The following MEGF11 variants were observed in gnomAD, a reference collection of about 807,000 sequenced individuals.
MEGF11 encodes the protein multiple epidermal growth factor-like domains protein 11.
In MEGF11, 126 loss-of-function variants were observed where a neutral mutation model predicts 146.6. The ratio of observed to expected loss-of-function variants is 0.86; its 90% CI spans 0.74 to 1.00. The LOEUF (loss-of-function observed/expected upper bound fraction) is 1.00. Ranked by LOEUF, MEGF11 falls within the 50% of genes least tolerant of loss-of-function variation. MEGF11 has a pLI of 0.00. For missense variants in MEGF11, 1,509 were observed against 1,521.2 expected, an observed-to-expected ratio of 0.99 and a Z score of 0.13; for synonymous variants, 532 against 583.4, an observed-to-expected ratio of 0.91 and a Z score of 1.27.
intron 1 of MEGF11, among the ~76,000 whole-genome samples, chr15:66,149,002 C>T (rs527266020): frequency 2.6e-5 from 4 of 152,332 alleles, no homozygotes; most frequent in African/African-American, 7.2e-5. Flanking sequence ...GCTGAAAAGA[C>T]CAGACAAGAG....
At chr15:66,090,136 A>G (rs1402109379) in intron 5 of MEGF11, among the ~76,000 whole-genome samples, 1 of 152,210 alleles carries the variant, frequency 6.6e-6, no homozygotes, top group African/African-American at 2.4e-5. Flanking sequence ...AAGTCAGTAA[A>G]AGAATGAGAA....
intron 9 of MEGF11, among the ~76,000 whole-genome samples, chr15:65,960,508 T>C (rs2080822095): frequency 6.6e-6 from 1 of 152,232 alleles, no homozygotes. Flanking sequence ...TCTCTTTAGG[T>C]TGCATCTTTC....
At chr15:66,213,089 C>T (rs752061848) in intron 1 of MEGF11, among the ~76,000 whole-genome samples, 1 of 152,132 alleles carries the variant, frequency 6.6e-6, no homozygotes, top group Non-Finnish European at 1.5e-5. Context: ...CCTGCAAATC[C>T]CTGCACTGGG....
At chr15:66,097,241 C>T (rs773270081) in intron 4 of MEGF11, among the ~76,000 whole-genome samples, 25 of 152,330 alleles carry the variant, frequency 1.6e-4, no homozygotes, top group Admixed American at 5.9e-4. Context: ...ATTGGGCCAC[C>T]GCGTGTTTGG....
intron 5 of MEGF11, among the ~76,000 whole-genome samples, chr15:66,053,732 T>A (rs2084556682): frequency 7.1e-6 from 1 of 141,138 alleles, no homozygotes; most frequent in African/African-American, 2.6e-5. Context: ...TTTTTTTTTT[T>A]TTTTTTTTTT....
intron 5 of MEGF11, among the ~76,000 whole-genome samples, chr15:66,051,415 C>A (rs920105593): frequency 3.3e-5 from 5 of 152,116 alleles, no homozygotes; most frequent in Non-Finnish European, 1.5e-5. Context: ...GACTCTGAGA[C>A]CTGGTCCACC....
chr15:66,168,358 C>A (rs537371560), intron 1 of MEGF11, among the ~76,000 whole-genome samples: 1 of 152,136 alleles, frequency 6.6e-6, no homozygotes, highest in Non-Finnish European at 1.5e-5. Context: ...ACTATCAGGC[C>A]TGCCCACTGG....
At chr15:66,112,000 C>G (rs1051699711) in intron 4 of MEGF11, among the ~76,000 whole-genome samples, 3 of 147,152 alleles carry the variant, frequency 2.0e-5, no homozygotes, top group Non-Finnish European at 3.0e-5. Flanking sequence ...GAGTGCCCGA[C>G]AAGAAAATGT....
intron 5 of MEGF11, among the ~76,000 whole-genome samples, chr15:66,057,109 A>G (rs1222555204): frequency 6.6e-6 from 1 of 152,212 alleles, no homozygotes; most frequent in Non-Finnish European, 1.5e-5. Context: ...ATGGGAGAGA[A>G]CATCATTTCA....
At chr15:65,988,562 A>T (rs2081941408) in intron 5 of MEGF11, among the ~76,000 whole-genome samples, 1 of 152,248 alleles carries the variant, frequency 6.6e-6, no homozygotes, top group Non-Finnish European at 1.5e-5. Flanking sequence ...TCTAGAAGAC[A>T]ACAGTGAACA....
At chr15:66,234,901 C>T (rs1187956949) in intron 1 of MEGF11, among the ~76,000 whole-genome samples, 1 of 152,286 alleles carries the variant, frequency 6.6e-6, no homozygotes, top group African/African-American at 2.4e-5. Flanking sequence ...CAGAGCAATC[C>T]CTGGCCCTGA....
At chr15:65,920,146 T>C (rs564617901) in intron 15 of MEGF11, among the ~76,000 whole-genome samples, 19 of 152,328 alleles carry the variant, frequency 1.2e-4, no homozygotes, top group Non-Finnish European at 2.5e-4. Context: ...GCTAAGTGCC[T>C]TTGAGCAAAC....
intron 1 of MEGF11, among the ~76,000 whole-genome samples, chr15:66,191,891 T>A (rs2090891450): frequency 6.6e-6 from 1 of 150,906 alleles, no homozygotes; most frequent in African/African-American, 2.4e-5. Flanking sequence ...CTGGCCAACA[T>A]GGTGAAACCC....
intron 5 of MEGF11, among the ~76,000 whole-genome samples, chr15:66,089,747 A>G (rs11639467): frequency 0.21 from 31,206 of 152,166 alleles, 3,349 homozygotes; most frequent in East Asian, 0.39. Flanking sequence ...AATAAAAGTT[A>G]TGAATAATGT....
intron 4 of MEGF11, among the ~76,000 whole-genome samples, chr15:66,110,842 C>A (rs2140856075): frequency 6.6e-6 from 1 of 152,222 alleles, no homozygotes; most frequent in African/African-American, 2.4e-5. Context: ...TTTCCTCCAC[C>A]CCCCATGCCC....
intron 1 of MEGF11, among the ~76,000 whole-genome samples, chr15:66,205,800 C>T (rs2091285067): frequency 6.6e-6 from 1 of 152,306 alleles, no homozygotes; most frequent in Admixed American, 6.5e-5. Flanking sequence ...ACCTCCTTCC[C>T]CTGCCAGAGT....
At chr15:66,248,113 G>A (rs2092321611) in intron 1 of MEGF11, among the ~76,000 whole-genome samples, 1 of 152,176 alleles carries the variant, frequency 6.6e-6, no homozygotes, top group African/African-American at 2.4e-5. Context: ...CTGCTGAGGG[G>A]CTTCTGGGTA....
chr15:66,035,217 C>T (rs189984945), intron 5 of MEGF11, among the ~76,000 whole-genome samples: 8 of 152,264 alleles, frequency 5.3e-5, no homozygotes, highest in East Asian at 1.9e-4. Flanking sequence ...AGTAGTATTA[C>T]AGTAGTTGTT....
intron 4 of MEGF11, among the ~76,000 whole-genome samples, chr15:66,109,859 A>C (rs2087298065): frequency 1.3e-5 from 2 of 152,286 alleles, no homozygotes; most frequent in East Asian, 3.9e-4. Flanking sequence ...CTCACTCACT[A>C]AATTCAGTGG....
Sources: allele counts gnomAD v4.1 joint callset (sites outside exome capture counted in the v4.1 genomes callset), GRCh38; gene constraint gnomAD v4.1.1; transcripts MANE v1.5; gene names NCBI Gene and HGNC (gene_info 2026-07-23, HGNC 2026-07-21).